HRH1: variants seen among roughly 807,000 people sequenced by gnomAD.
The protein encoded by HRH1 is histamine receptor H1.
A neutral mutation model predicts 10.3 loss-of-function variants in HRH1; 6 were observed. The ratio of observed to expected loss-of-function variants is 0.58; its 90% CI spans 0.32 to 1.15. The LOEUF (loss-of-function observed/expected upper bound fraction) is 1.15, where lower values mean the gene tolerates loss of function less well. Among genes scored for constraint, HRH1 ranks in the 50% most tolerant of loss-of-function variants. HRH1 has a pLI of 0.05. For missense variants in HRH1, 514 were observed against 615.3 expected, an observed-to-expected ratio of 0.84 and a Z score of 1.74; for synonymous variants, 242 against 236.7, an observed-to-expected ratio of 1.02 and a Z score of -0.21.
At chr3:11,193,181 A>T (rs1384170830) in intron 1 of HRH1, among the ~76,000 whole-genome samples, 2 of 152,252 alleles carry the variant, frequency 1.3e-5, no homozygotes, top group East Asian at 3.8e-4. Context: ...CAAGCTAATC[A>T]TAGCAAAATC....
chr3:11,235,231 T>C (rs1003008751), intron 1 of HRH1, among the ~76,000 whole-genome samples: 6 of 151,770 alleles, frequency 4.0e-5, no homozygotes, highest in African/African-American at 1.2e-4. Context: ...AAAAAAATGC[T>C]ATTAGAAATC....
chr3:11,244,779 C>T (rs1222401144), intron 1 of HRH1, among the ~76,000 whole-genome samples: 1 of 152,170 alleles, frequency 6.6e-6, no homozygotes, highest in African/African-American at 2.4e-5. Context: ...TTAGAAAGTT[C>T]TGCCTTACTT....
chr3:11,258,743 C>T (rs1939852049), intron 1 of HRH1, among the ~76,000 whole-genome samples: 1 of 152,190 alleles, frequency 6.6e-6, no homozygotes, highest in African/African-American at 2.4e-5. Flanking sequence ...AATGCACATT[C>T]CATAGGGGCA....
intron 1 of HRH1, among the ~76,000 whole-genome samples, chr3:11,198,651 C>G (rs766318163): frequency 1.3e-5 from 2 of 150,770 alleles, no homozygotes; most frequent in African/African-American, 4.9e-5. Flanking sequence ...GCAGGAGGAT[C>G]GCTTGAGCCC....
At chr3:11,218,860 G>A (rs956429140) in intron 1 of HRH1, among the ~76,000 whole-genome samples, 1 of 151,988 alleles carries the variant, frequency 6.6e-6, no homozygotes. Flanking sequence ...ACAGGCGTGA[G>A]CCACTGTGCC....
chr3:11,177,030 T>C (rs113117855), intron 1 of HRH1, among the ~76,000 whole-genome samples: 2,164 of 151,878 alleles, frequency 0.014, 60 homozygotes, highest in African/African-American at 0.05. Context: ...GAAGCAGAGA[T>C]TGTAGTGAGA....
intron 1 of HRH1, among the ~76,000 whole-genome samples, chr3:11,139,669 A>T (rs1473446091): frequency 6.6e-6 from 1 of 152,174 alleles, no homozygotes; most frequent in Non-Finnish European, 1.5e-5. Context: ...ATGCGATATT[A>T]TCGAGCCATA....
rs565947241 is a variant in HRH1, at chr3:11,203,979, G to C, written c.-36+49425G>C. Among the ~76,000 whole-genome samples the C allele has an allele frequency of 2.6e-5, 4 of 152,292 alleles. No individual in the cohort carries two copies. In the South Asian group the frequency reaches 8.3e-4, roughly 32 times the overall value. On this transcript the variant is annotated intron_variant, in intron 1 of 1. Coordinates refer to ENST00000431010, the MANE Select transcript of HRH1 (RefSeq NM_001098212.2). ...ATTGGGGGTTCCTATCCATGAACATGCTGTCCTTTAAGCTACCTATATGCC... is the reference window on the plus strand; with the variant it reads ...ATTGGGGGTTCCTATCCATGAACATCCTGTCCTTTAAGCTACCTATATGCC...
chr3:11,258,975 A>T, intron 1 of HRH1, 28 bp from the exon 2 acceptor site: 1 of 1,512,500 alleles, frequency 6.6e-7, no homozygotes. Context: ...CAAGTCTCTG[A>T]CCTTACTTTT....
intron 1 of HRH1, among the ~76,000 whole-genome samples, chr3:11,186,132 T>C (rs1937448230): frequency 6.6e-6 from 1 of 152,190 alleles, no homozygotes; most frequent in Non-Finnish European, 1.5e-5. Context: ...GCCCTTTCAA[T>C]GCTGGGCTCT....
At chr3:11,215,730 C>A (rs1013169300) in intron 1 of HRH1, among the ~76,000 whole-genome samples, 3 of 152,180 alleles carry the variant, frequency 2.0e-5, no homozygotes, top group Non-Finnish European at 4.4e-5. Flanking sequence ...CGTGAGCCAC[C>A]GCGCCCAGCC....
chr3:11,188,294 C>T (rs1334374629), intron 1 of HRH1, among the ~76,000 whole-genome samples: 1 of 152,088 alleles, frequency 6.6e-6, no homozygotes. Context: ...TCTGTAATTC[C>T]ACTTGTAGGA....
At chr3:11,210,797 G>GA (rs59390388) in intron 1 of HRH1, among the ~76,000 whole-genome samples, 81,338 of 135,190 alleles carry the variant, frequency 0.6, 23,299 homozygotes, top group East Asian at 0.7. Flanking sequence ...TGTCTCAAAA[G>GA]AAAAAAAAAA....
intron 1 of HRH1, among the ~76,000 whole-genome samples, chr3:11,229,437 A>G (rs1188158848): frequency 6.6e-6 from 1 of 152,168 alleles, no homozygotes; most frequent in African/African-American, 2.4e-5. Flanking sequence ...TAGGAGCAAA[A>G]CAATATATGA....
intron 1 of HRH1, among the ~76,000 whole-genome samples, chr3:11,188,757 C>T (rs553566915): frequency 1.5e-4 from 23 of 151,998 alleles, no homozygotes; most frequent in South Asian, 4.1e-4. Context: ...TATGATGACA[C>T]AGAAAAAAGC....
chr3:11,163,218 G>A (rs1178244724), intron 1 of HRH1, among the ~76,000 whole-genome samples: 1 of 151,978 alleles, frequency 6.6e-6, no homozygotes, highest in African/African-American at 2.4e-5. Context: ...TCCTCCTTCT[G>A]CACACCCAAC....
chr3:11,210,550 G>A (rs1280120303), intron 1 of HRH1, among the ~76,000 whole-genome samples: 15 of 152,156 alleles, frequency 9.9e-5, no homozygotes, highest in Admixed American at 9.8e-4. Context: ...CCAGCACTCT[G>A]GGAGCCCAAG....
intron 1 of HRH1, among the ~76,000 whole-genome samples, chr3:11,232,945 G>A (rs1939080409): frequency 6.6e-6 from 1 of 152,090 alleles, no homozygotes; most frequent in South Asian, 2.1e-4. Flanking sequence ...AAAATATAAT[G>A]CCATTTTCTT....
chr3:11,242,951 G>T (rs1939389306), intron 1 of HRH1, among the ~76,000 whole-genome samples: 1 of 151,310 alleles, frequency 6.6e-6, no homozygotes, highest in Non-Finnish European at 1.5e-5. Flanking sequence ...GTCTTGCTCT[G>T]TCACCAGGCT....
Sources: gnomAD v4.1 joint callset for allele counts (sites outside exome capture counted in the v4.1 genomes callset) on GRCh38, gnomAD v4.1.1 for gene constraint, MANE v1.5 for transcripts, NCBI Gene and HGNC (gene_info 2026-07-23, HGNC 2026-07-21) for gene names.